The following FBN1 variants were observed in gnomAD, a reference collection of about 807,000 sequenced individuals.
FBN1 encodes the protein fibrillin 1.
In FBN1, 29 loss-of-function variants were observed where a neutral mutation model predicts 365.1. That is an observed-to-expected ratio of 0.08 (90% confidence interval 0.06 to 0.11). The LOEUF (loss-of-function observed/expected upper bound fraction) is 0.11. FBN1 is among the 10% of genes least tolerant of loss of function. FBN1 has a pLI of 1.00. For synonymous variants in FBN1, 1,210 were observed against 1,270.5 expected (o/e 0.95, Z 1.01); for missense variants, 2,476 against 3,703.2 (o/e 0.67, Z 8.60).
chr15:48,497,120 GA>G, intron 19 of FBN1, 145 bp downstream of exon 19: 1 of 862,570 alleles, frequency 1.2e-6, no homozygotes, highest in Non-Finnish European at 1.9e-6. Flanking sequence ...TGTTACTAAA[GA>G]TATGTATATG....
At chr15:48,491,717 C>T (rs752617517) in intron 24 of FBN1, among the ~76,000 whole-genome samples, 3 of 152,170 alleles carry the variant, frequency 2.0e-5, no homozygotes, top group Non-Finnish European at 4.4e-5. Flanking sequence ...GTTTCAGATG[C>T]AAAGTACAGG....
chr15:48,408,815 G>A lies in FBN1; in HGVS notation c.*2175C>T, dbSNP rs2042838386. On this transcript the variant is annotated 3_prime_UTR_variant, in exon 66 of 66. Coordinates refer to ENST00000316623, the MANE Select transcript of FBN1 (RefSeq NM_000138.5). ...TAAAAATATCAAAGTGATCCACTGT[G>A]TGCCAACTCCATTTTCCCCTGTTGT... 6.6e-6 allele frequency: 1 copy of A among 152,630 alleles called. No individual in the cohort carries two copies. The highest frequency in any genetic ancestry group is 1.5e-5 in the Non-Finnish European group (1 of 68,042). The allele number at this position is 152,630 out of a possible 1,614,324, so 9.5% of individuals were successfully genotyped here. A position where few individuals can be genotyped will look rare whatever the true frequency, so the allele number is the denominator to read the frequency against.
intron 38 of FBN1, 57 bp downstream of exon 38, chr15:48,467,881 T>C (rs2043335743): frequency 1.3e-6 from 2 of 1,493,140 alleles, no homozygotes; most frequent in South Asian, 1.1e-5. Flanking sequence ...TCTTCTGATC[T>C]AGAAAGGAGA....
intron 13 of FBN1, among the ~76,000 whole-genome samples, chr15:48,513,145 G>A (rs865867291): frequency 1.3e-5 from 2 of 152,158 alleles, no homozygotes; most frequent in African/African-American, 4.8e-5. Flanking sequence ...CTAAAAAGCA[G>A]CAAGGGCTTA....
chr15:48,509,415 T>C (rs1347138138), intron 14 of FBN1, among the ~76,000 whole-genome samples: 1 of 148,258 alleles, frequency 6.7e-6, no homozygotes, highest in Admixed American at 6.8e-5. Context: ...ATTTATTATA[T>C]ATACATATTT....
At chr15:48,488,621 C>T (rs1597564463) in intron 25 of FBN1, 128 bp from the exon 26 acceptor site, 2 of 1,026,156 alleles carry the variant, frequency 1.9e-6, no homozygotes, top group East Asian at 4.8e-5. Context: ...TATACATTTC[C>T]AAGAATGTGT....
At chr15:48,422,189 A>G in intron 60 of FBN1, 121 bp from the exon 61 acceptor site, 1 of 732,888 alleles carries the variant, frequency 1.4e-6, no homozygotes, top group South Asian at 1.5e-5. Context: ...ACTAGAAAGA[A>G]GCCACAGCAA....
intron 4 of FBN1, among the ~76,000 whole-genome samples, chr15:48,607,869 G>A (rs2044626580): frequency 6.6e-6 from 1 of 152,158 alleles, no homozygotes; most frequent in African/African-American, 2.4e-5. Flanking sequence ...AGGTCTTTAT[G>A]ACAATTAGGA....
In FBN1 at chr15:48,421,693, G is replaced by T. The variant is rs1229246967; in HGVS notation, c.7571-7C>A. 4 of 1,612,866 alleles carry T rather than the reference G, an allele frequency of 2.5e-6. No individual in the cohort carries two copies. Among genetic ancestry groups the T allele is most frequent in the Admixed American group, 3.3e-5 (2 of 59,910 alleles). On this transcript the variant is annotated splice_region_variant and splice_polypyrimidine_tract_variant and intron_variant, in intron 61 of 65. Coordinates refer to ENST00000316623, the MANE Select transcript of FBN1 (RefSeq NM_000138.5). ...GAGGTGCATTCATTGTTATCTATGA[G>T]AAGCAGTGGGGGCAAAGAGGGGTTA...
chr15:48,446,345 C>T (rs538341694), intron 47 of FBN1, among the ~76,000 whole-genome samples: 1 of 152,132 alleles, frequency 6.6e-6, no homozygotes, highest in African/African-American at 2.4e-5. Context: ...TTACAGTATA[C>T]TGTTATAATT....
chr15:48,451,436 C>T (rs1008614507), intron 45 of FBN1, among the ~76,000 whole-genome samples: 2 of 152,142 alleles, frequency 1.3e-5, no homozygotes, highest in African/African-American at 4.8e-5. Flanking sequence ...ACACATTTTC[C>T]TTTAAACTCA....
chr15:48,511,222 A>C (rs2043756368), intron 13 of FBN1, among the ~76,000 whole-genome samples: 1 of 152,138 alleles, frequency 6.6e-6, no homozygotes, highest in Non-Finnish European at 1.5e-5. Context: ...CCTCAGATGC[A>C]CTTTCTTTCT....
chr15:48,506,373 T>A (rs990591695), intron 15 of FBN1, among the ~76,000 whole-genome samples: 1 of 152,258 alleles, frequency 6.6e-6, no homozygotes. Context: ...TTAGCTTGTG[T>A]TGTTTGGCAC....
intron 9 of FBN1, among the ~76,000 whole-genome samples, chr15:48,525,716 A>G (rs868685203): frequency 3.3e-5 from 5 of 152,198 alleles, no homozygotes; most frequent in African/African-American, 1.2e-4. Flanking sequence ...ATCTGACAAG[A>G]TGGATTGTAG....
Position 48,427,697 on chromosome 15 carries a change from G to A in FBN1, c.7074C>T (p.Val2358=). ...CQIGSSNRNP[V]TKSECCCDGG... Reference sequence around the variant, plus strand: ...CGTCACAGCAGCATTCCGATTTGGTGACGGGGTTCCTGTTGCTGGAGCCGA... The same window carrying A: ...CGTCACAGCAGCATTCCGATTTGGTAACGGGGTTCCTGTTGCTGGAGCCGA... The change falls in exon 58 of 66, where the codon GTC becomes GTT. Residue 2358 remains valine, a synonymous_variant. Coordinates refer to ENST00000316623, the MANE Select transcript of FBN1 (RefSeq NM_000138.5). 6.2e-7 allele frequency: 1 copy of A among 1,614,146 alleles called. No homozygotes were observed. Among genetic ancestry groups the A allele is most frequent in the Non-Finnish European group, 8.5e-7 (1 of 1,180,014 alleles).
chr15:48,587,441 T>C (rs1333802339), intron 6 of FBN1, among the ~76,000 whole-genome samples: 2 of 152,364 alleles, frequency 1.3e-5, no homozygotes, highest in Non-Finnish European at 1.5e-5. Context: ...AAGGGCATCG[T>C]GGAGAAGCTT....
intron 13 of FBN1, among the ~76,000 whole-genome samples, chr15:48,512,861 G>A (rs2043772042): frequency 6.6e-6 from 1 of 152,074 alleles, no homozygotes; most frequent in Non-Finnish European, 1.5e-5. Context: ...CTCCCTGACA[G>A]TGATCATTGT....
intron 3 of FBN1, among the ~76,000 whole-genome samples, chr15:48,611,799 C>G (rs765082888): frequency 3.9e-5 from 6 of 152,220 alleles, no homozygotes; most frequent in Non-Finnish European, 5.9e-5. Context: ...TATCGGCAGA[C>G]TAGCACTTGG....
chr15:48,601,115 C>A (rs1164632616), intron 4 of FBN1, among the ~76,000 whole-genome samples: 1 of 152,168 alleles, frequency 6.6e-6, no homozygotes, highest in Non-Finnish European at 1.5e-5. Flanking sequence ...TCATTTTCAC[C>A]TACAGAAGTG....
Sources: allele counts gnomAD v4.1 joint callset (sites outside exome capture counted in the v4.1 genomes callset), GRCh38; gene constraint gnomAD v4.1.1; transcripts MANE v1.5; gene names NCBI Gene and HGNC (gene_info 2026-07-23, HGNC 2026-07-21).